Variants in KCNG2 observed in about 807,000 individuals in gnomAD.
The protein encoded by KCNG2 is potassium voltage-gated channel modifier subfamily G member 2.
In KCNG2, 7 loss-of-function variants were observed where a neutral mutation model predicts 12.3. The observed-to-expected ratio is 0.57, with a 90% confidence interval of 0.32 to 1.07. KCNG2 has a LOEUF of 1.07. KCNG2 is among the 50% of genes least tolerant of loss of function. KCNG2 has a pLI of 0.04. For missense variants in KCNG2, 703 were observed against 726.0 expected (o/e 0.97, Z 0.36); for synonymous variants, 414 against 351.4 (o/e 1.18, Z -1.99).
chr18:79,849,229 C>T (rs1978730564), intron 1 of KCNG2, among the ~76,000 whole-genome samples: 1 of 152,204 alleles, frequency 6.6e-6, no homozygotes, highest in Admixed American at 6.5e-5. Context: ...GGCCTCCGAG[C>T]GTGGTCCCGT....
intron 1 of KCNG2, among the ~76,000 whole-genome samples, chr18:79,833,419 G>A (rs972537754): frequency 1.3e-5 from 2 of 152,212 alleles, no homozygotes; most frequent in Non-Finnish European, 2.9e-5. Context: ...GGGATTATGG[G>A]CATGAGCCAC....
intron 3 of KCNG2, among the ~76,000 whole-genome samples, chr18:79,892,364 G>C (rs1197446742): frequency 6.6e-6 from 1 of 152,168 alleles, no homozygotes; most frequent in Non-Finnish European, 1.5e-5. Flanking sequence ...CAGCTTTCCT[G>C]TGGTTGCTGT....
At chr18:79,883,868 G>A (rs892527635) in intron 3 of KCNG2, among the ~76,000 whole-genome samples, 3 of 152,184 alleles carry the variant, frequency 2.0e-5, no homozygotes, top group Non-Finnish European at 2.9e-5. Flanking sequence ...CCGTCATGGC[G>A]GCTGCAGCCC....
In KCNG2 at chr18:79,898,937, G is replaced by C. The variant is rs1452278516; in HGVS notation, c.625-103G>C. On this transcript the variant is annotated intron_variant, in intron 3 of 3. Coordinates refer to ENST00000316249, the MANE Select transcript of KCNG2 (RefSeq NM_012283.2). ...CCGCTTCCGTGGGTTGGGGCGGGAA[G>C]GGTGGCCTGGGGGACGCCTCTGGTC... 4 of 842,634 alleles carry C rather than the reference G, an allele frequency of 4.7e-6. No homozygotes were observed. The Admixed American group carries it at 9.9e-5, about 21-fold the overall frequency. 52.2% of individuals were successfully genotyped at this position (842,634 alleles called of 1,614,324 possible). A position where few individuals can be genotyped will look rare whatever the true frequency, so the allele number is the denominator to read the frequency against.
At chr18:79,811,492 G>C (rs1048252719) in intron 1 of KCNG2, among the ~76,000 whole-genome samples, 1 of 152,208 alleles carries the variant, frequency 6.6e-6, no homozygotes, top group Non-Finnish European at 1.5e-5. Flanking sequence ...CTCTTCAGCA[G>C]ATGGTGCTGG....
At position 79,884,447 on chromosome 18, in the gene KCNG2, C is replaced by T. The variant is rs1980442339; in HGVS notation, c.625-14593C>T. ...CCGGCCTGGCAGGGACTGGCTGGTT[C>T]CCTTCCTTGGTTCCCCCAGTGGGAT... On this transcript the variant is annotated intron_variant, in intron 3 of 3. Coordinates refer to ENST00000316249, the MANE Select transcript of KCNG2 (RefSeq NM_012283.2). This position sits in a 1 kb window ranked among gnomAD's most constrained non-coding sequence, Gnocchi z 5.5. 6.6e-6 allele frequency among the ~76,000 whole-genome samples: 1 copy of T among 152,204 alleles called. No homozygotes were observed. The highest frequency in any genetic ancestry group is 1.5e-5 in the Non-Finnish European group (1 of 68,022).
chr18:79,894,250 G>A (rs917140349), intron 3 of KCNG2, among the ~76,000 whole-genome samples: 32 of 150,836 alleles, frequency 2.1e-4, no homozygotes, highest in African/African-American at 7.6e-4. Context: ...AATTGATATA[G>A]CTGGGTCTGC....
intron 1 of KCNG2, among the ~76,000 whole-genome samples, chr18:79,820,363 A>G (rs1222750981): frequency 6.6e-6 from 1 of 152,148 alleles, no homozygotes; most frequent in Non-Finnish European, 1.5e-5. Flanking sequence ...CTGCTGCTTA[A>G]CTTTTAGAGA....
rs138171873 is a variant in KCNG2, at chr18:79,803,662, C to T, written c.-115+5648C>T. ...TGGTCCAAGGCTTCTGCTGGGCTGA[C>T]GGAGGAGGCGTTTTCTCCCATCCCG... On this transcript the variant is annotated intron_variant, in intron 1 of 3. Coordinates refer to ENST00000316249, the MANE Select transcript of KCNG2 (RefSeq NM_012283.2). The surrounding 1 kb of genome is among the most constrained non-coding windows in gnomAD (Gnocchi z 4.5). 1.8e-4 allele frequency among the ~76,000 whole-genome samples: 27 copies of T among 152,268 alleles called. 1 individual carries two copies. The highest frequency in any genetic ancestry group is 5.8e-4 in the African/African-American group (24 of 41,548).
intron 3 of KCNG2, among the ~76,000 whole-genome samples, chr18:79,882,928 C>T (rs1005431103): frequency 4.6e-5 from 7 of 152,138 alleles, no homozygotes; most frequent in Non-Finnish European, 7.4e-5. Context: ...GCCGGGTACA[C>T]CTGCGCTCAT....
intron 1 of KCNG2, among the ~76,000 whole-genome samples, chr18:79,836,383 C>G (rs1978325380): frequency 6.6e-6 from 1 of 152,112 alleles, no homozygotes; most frequent in African/African-American, 2.4e-5. Flanking sequence ...CAAAGGATGA[C>G]AGAGTTTAAA....
At chr18:79,879,749 A>G (rs1237058321) in intron 3 of KCNG2, among the ~76,000 whole-genome samples, 2 of 152,180 alleles carry the variant, frequency 1.3e-5, no homozygotes, top group Admixed American at 1.3e-4. Flanking sequence ...ACTTATCCCA[A>G]CCAGTGCACG....
intron 2 of KCNG2, among the ~76,000 whole-genome samples, chr18:79,861,865 T>C (rs1979234609): frequency 6.6e-6 from 1 of 152,248 alleles, no homozygotes; most frequent in African/African-American, 2.4e-5. Context: ...CATGAAATGA[T>C]GTATCTCCAG....
intron 2 of KCNG2, among the ~76,000 whole-genome samples, chr18:79,863,282 C>G (rs954493601): frequency 1.3e-5 from 2 of 152,248 alleles, no homozygotes; most frequent in African/African-American, 4.8e-5. Context: ...CCTCACCGGT[C>G]GGTGGGGTCC....
chr18:79,857,049 C>T (rs1240982005), intron 2 of KCNG2, among the ~76,000 whole-genome samples: 2 of 146,500 alleles, frequency 1.4e-5, no homozygotes, highest in African/African-American at 5.1e-5. Context: ...ACCTCTCTGC[C>T]TGCCCCCCAC....
chr18:79,891,523 G>A (rs1485114779), intron 3 of KCNG2, among the ~76,000 whole-genome samples: 1 of 152,102 alleles, frequency 6.6e-6, no homozygotes, highest in Non-Finnish European at 1.5e-5. Context: ...GAGCCACCAC[G>A]CTGGCCCTCT....
At chr18:79,894,305 C>T (rs1312981728) in intron 3 of KCNG2, among the ~76,000 whole-genome samples, 2 of 136,082 alleles carry the variant, frequency 1.5e-5, no homozygotes, top group Non-Finnish European at 3.2e-5. Flanking sequence ...TCTAATGTTA[C>T]GATTGATATA....
At chr18:79,853,594 A>C (rs1212432202) in intron 1 of KCNG2, among the ~76,000 whole-genome samples, 2 of 152,176 alleles carry the variant, frequency 1.3e-5, no homozygotes, top group Non-Finnish European at 2.9e-5. Flanking sequence ...CAAGAGGAGG[A>C]GGCGGGAACC....
chr18:79,857,270 G>T (rs548378995), intron 2 of KCNG2, among the ~76,000 whole-genome samples: 2 of 145,124 alleles, frequency 1.4e-5, no homozygotes, highest in South Asian at 4.6e-4. Flanking sequence ...CTCATGCAGC[G>T]AACTTGGCGC....
Sources: gnomAD v4.1 joint callset for allele counts (sites outside exome capture counted in the v4.1 genomes callset) on GRCh38, gnomAD v4.1.1 for gene constraint, Gnocchi (gnomAD v3.1) non-coding constraint, MANE v1.5 for transcripts, NCBI Gene and HGNC (gene_info 2026-07-23, HGNC 2026-07-21) for gene names.